The following MYRFL variants were observed in gnomAD, a reference collection of about 807,000 sequenced individuals.
MYRFL encodes myelin regulatory factor like, also known as myelin regulatory factor-like protein.
A neutral mutation model predicts 109.4 loss-of-function variants in MYRFL; 88 were observed. The ratio of observed to expected loss-of-function variants is 0.80; its 90% CI spans 0.68 to 0.96. MYRFL has a LOEUF of 0.96. Ranked by LOEUF, MYRFL falls within the 40% of genes least tolerant of loss-of-function variation. The probability of loss-of-function intolerance (pLI) is 0.00; values close to 1 mark genes in which losing one functional copy is unlikely to be tolerated. For missense variants in MYRFL, 957 were observed against 954.9 expected (o/e 1.00, Z -0.03); for synonymous variants, 324 against 320.9 (o/e 1.01, Z -0.10).
At chr12:69,903,313 T>C (rs2136345370) in intron 10 of MYRFL, among the ~76,000 whole-genome samples, 1 of 152,370 alleles carries the variant, frequency 6.6e-6, no homozygotes, top group Non-Finnish European at 1.5e-5. Context: ...TGACTATTCC[T>C]GGAAAGATAG....
At chr12:69,903,528 G>A in intron 10 of MYRFL, 116 bp from the exon 11 acceptor site, 2 of 1,151,150 alleles carry the variant, frequency 1.7e-6, no homozygotes, top group Non-Finnish European at 2.4e-6. Context: ...CTCAATACAG[G>A]ATTCTCTTAT....
At chr12:69,863,472 G>C (rs1044098082) in intron 2 of MYRFL, among the ~76,000 whole-genome samples, 1 of 152,112 alleles carries the variant, frequency 6.6e-6, no homozygotes, top group Non-Finnish European at 1.5e-5. Context: ...GTGGTAACTC[G>C]AGGGACAACA....
chr12:69,898,769 T>G (rs539223216), intron 10 of MYRFL, among the ~76,000 whole-genome samples: 1 of 152,184 alleles, frequency 6.6e-6, no homozygotes, highest in Non-Finnish European at 1.5e-5. Flanking sequence ...CTTGGAATAA[T>G]TTACCTAGTG....
chr12:69,870,984 A>T (rs1885318187), intron 2 of MYRFL, among the ~76,000 whole-genome samples: 1 of 152,168 alleles, frequency 6.6e-6, no homozygotes, highest in Non-Finnish European at 1.5e-5. Context: ...TATTGAATTC[A>T]ATGATGCCTG....
At chr12:69,874,596 C>T (rs138457714) in intron 2 of MYRFL, among the ~76,000 whole-genome samples, 2 of 152,290 alleles carry the variant, frequency 1.3e-5, no homozygotes, top group East Asian at 3.9e-4. Flanking sequence ...TTCCCTTTAG[C>T]CTGAATAACT....
chr12:69,876,737 A>G (rs923536983), intron 2 of MYRFL, among the ~76,000 whole-genome samples: 3 of 152,224 alleles, frequency 2.0e-5, no homozygotes, highest in Non-Finnish European at 4.4e-5. Flanking sequence ...TCTTGGGAAC[A>G]TTATTCCAAT....
In MYRFL at chr12:69,881,877, C is replaced by T. The variant is rs540954094; in HGVS notation, c.556+1585C>T. Among the ~76,000 whole-genome samples, 3 of 152,290 alleles carry T rather than the reference C, an allele frequency of 2.0e-5. No individual in the cohort carries two copies. In the South Asian group the frequency reaches 6.2e-4, roughly 32 times the overall value. ...TTCTTCAGGGATCCCCACATCTAGC[C>T]TGTAGCTTTTTTTATGATTCTCAGA... is the stretch of plus-strand genomic sequence containing the variant. On this transcript the variant is annotated intron_variant, in intron 5 of 24. Coordinates refer to ENST00000552032, the MANE Select transcript of MYRFL (RefSeq NM_182530.3).
chr12:69,841,624 C>T (rs1179715981), intron 1 of MYRFL, among the ~76,000 whole-genome samples: 1 of 152,206 alleles, frequency 6.6e-6, no homozygotes, highest in Admixed American at 6.5e-5. Context: ...GTCAGACTTT[C>T]ACAGCATTCA....
intron 13 of MYRFL, among the ~76,000 whole-genome samples, chr12:69,915,545 G>A (rs1345456200): frequency 6.6e-6 from 1 of 152,146 alleles, no homozygotes; most frequent in African/African-American, 2.4e-5. Flanking sequence ...CAACCAAAGG[G>A]GGTGATCGTT....
chr12:69,898,326 G>A (rs987150554), intron 10 of MYRFL, among the ~76,000 whole-genome samples: 21 of 152,234 alleles, frequency 1.4e-4, no homozygotes, highest in African/African-American at 5.1e-4. Flanking sequence ...TGGAGATGAA[G>A]TGATGATAGA....
At chr12:69,944,219 A>G (rs1324601277) in intron 19 of MYRFL, among the ~76,000 whole-genome samples, 2 of 136,922 alleles carry the variant, frequency 1.5e-5, no homozygotes, top group South Asian at 2.6e-4. Flanking sequence ...ATGCTGCTAT[A>G]AAGACACATG....
At chr12:69,931,469 C>A (rs1031139014) in intron 15 of MYRFL, among the ~76,000 whole-genome samples, 6 of 152,132 alleles carry the variant, frequency 3.9e-5, no homozygotes, top group African/African-American at 1.4e-4. Context: ...ATCCTATGCC[C>A]CTACCCTATG....
chr12:69,938,796 T>C (rs951753449), intron 19 of MYRFL, among the ~76,000 whole-genome samples: 12 of 152,154 alleles, frequency 7.9e-5, no homozygotes, highest in African/African-American at 2.9e-4. Flanking sequence ...TTCATCTCAC[T>C]AGGGAGTGCC....
intron 15 of MYRFL, among the ~76,000 whole-genome samples, chr12:69,929,358 G>GA (rs543447157): frequency 4.6e-5 from 7 of 152,150 alleles, no homozygotes; most frequent in African/African-American, 1.2e-4. Flanking sequence ...GGGAAGATTG[G>GA]AAAAAAATAC....
chr12:69,895,921 C>T (rs527779751), intron 9 of MYRFL, among the ~76,000 whole-genome samples: 1 of 152,222 alleles, frequency 6.6e-6, no homozygotes, highest in Non-Finnish European at 1.5e-5. Context: ...GGTTCCGGGA[C>T]TAGCAGAGAT....
At chr12:69,867,817 G>A (rs1294455339) in intron 2 of MYRFL, among the ~76,000 whole-genome samples, 2 of 152,162 alleles carry the variant, frequency 1.3e-5, no homozygotes, top group Non-Finnish European at 2.9e-5. Context: ...GACTATTTGA[G>A]TTCAGTGACT....
chr12:69,910,616 C>T (rs578117000), intron 12 of MYRFL, among the ~76,000 whole-genome samples: 129 of 147,480 alleles, frequency 8.7e-4, no homozygotes, highest in Non-Finnish European at 1.7e-3. Flanking sequence ...TACCTCCCCC[C>T]TGTTGGCCCA....
At chr12:69,825,823 T>G (rs1220830807) in intron 1 of MYRFL, among the ~76,000 whole-genome samples, 1 of 152,102 alleles carries the variant, frequency 6.6e-6, no homozygotes, top group Non-Finnish European at 1.5e-5. Flanking sequence ...ATTTATGTTG[T>G]TATTACTTGT....
At chr12:69,889,573 G>T (rs954551674) in intron 6 of MYRFL, among the ~76,000 whole-genome samples, 1 of 152,058 alleles carries the variant, frequency 6.6e-6, no homozygotes, top group Non-Finnish European at 1.5e-5. Flanking sequence ...ATTTTGGATC[G>T]GCTGGGCGCA....
Sources: gnomAD v4.1 joint callset for allele counts (sites outside exome capture counted in the v4.1 genomes callset) on GRCh38, gnomAD v4.1.1 for gene constraint, MANE v1.5 for transcripts, NCBI Gene and HGNC (gene_info 2026-07-23, HGNC 2026-07-21) for gene names.